MYO3A: variants seen among roughly 807,000 people sequenced by gnomAD.
The protein encoded by MYO3A is myosin IIIA.
A neutral mutation model predicts 192.7 loss-of-function variants in MYO3A; 180 were observed. The ratio of observed to expected loss-of-function variants is 0.93; its 90% CI spans 0.83 to 1.06. MYO3A has a LOEUF of 1.06. Ranked by LOEUF, MYO3A falls within the 50% of genes least tolerant of loss-of-function variation. MYO3A has a pLI of 0.00. For synonymous variants in MYO3A, 628 were observed against 645.3 expected (o/e 0.97, Z 0.41); for missense variants, 1,896 against 1,905.0 (o/e 1.00, Z 0.09).
chr10:25,946,096 T>C (rs1836812543), intron 2 of MYO3A, among the ~76,000 whole-genome samples: 1 of 152,226 alleles, frequency 6.6e-6, no homozygotes, highest in African/African-American at 2.4e-5. Context: ...TATTTGTGTT[T>C]GAAATTCAAG....
intron 5 of MYO3A, 124 bp from the exon 6 acceptor site, chr10:25,997,035 A>G (rs932094349): frequency 2.3e-5 from 17 of 732,432 alleles, no homozygotes; most frequent in East Asian, 8.1e-5. Context: ...AATGTGAAAC[A>G]TTTGAGTGTC....
intron 20 of MYO3A, among the ~76,000 whole-genome samples, chr10:26,133,947 C>T (rs1447235258): frequency 6.6e-6 from 1 of 152,100 alleles, no homozygotes; most frequent in African/African-American, 2.4e-5. Context: ...TGAAAGAGAT[C>T]CTGATATACA....
intron 23 of MYO3A, among the ~76,000 whole-genome samples, chr10:26,148,424 A>T (rs1209179967): frequency 1.3e-5 from 2 of 152,196 alleles, no homozygotes; most frequent in Non-Finnish European, 2.9e-5. Flanking sequence ...TCCTGAAATC[A>T]GGCAGTACAA....
chr10:26,174,865 A>T (rs1842241012), intron 30 of MYO3A, among the ~76,000 whole-genome samples: 1 of 146,620 alleles, frequency 6.8e-6, no homozygotes, highest in African/African-American at 2.5e-5. Context: ...CTTTAATTAG[A>T]TCTTTAATTA....
intron 10 of MYO3A, among the ~76,000 whole-genome samples, chr10:26,040,349 G>T (rs1843274813): frequency 6.6e-6 from 1 of 152,018 alleles, no homozygotes; most frequent in Non-Finnish European, 1.5e-5. Context: ...CATCAGAATT[G>T]TCTATTTTGG....
At chr10:26,130,191 G>A (rs181041979) in intron 20 of MYO3A, among the ~76,000 whole-genome samples, 261 of 151,762 alleles carry the variant, frequency 1.7e-3, no homozygotes, top group African/African-American at 6.0e-3. Flanking sequence ...TGCAGCCTGC[G>A]CCTCCCAGGC....
intron 14 of MYO3A, among the ~76,000 whole-genome samples, chr10:26,084,440 G>A (rs1465675142): frequency 3.3e-5 from 5 of 152,146 alleles, no homozygotes; most frequent in African/African-American, 7.2e-5. Context: ...AGGTAGTAAC[G>A]TAATGCTGGC....
chr10:26,124,188 CAAAAAAAA>C (rs34682530), intron 18 of MYO3A, among the ~76,000 whole-genome samples: 2 of 89,576 alleles, frequency 2.2e-5, no homozygotes, highest in African/African-American at 4.3e-5. Flanking sequence ...GACTTTGTCT[CAAAAAAAA>C]AAAAAAAAAA....
intron 14 of MYO3A, among the ~76,000 whole-genome samples, chr10:26,077,255 T>TTTTTTTTTTTTTTTTTTTTTTTTTA (rs1835647309): frequency 7.1e-6 from 1 of 141,650 alleles, no homozygotes; most frequent in Admixed American, 7.1e-5. Flanking sequence ...TTTTTTTTTT[T>TTTTTTTTTTTTTTTTTTTTTTTTTA]GCAGCTGTTG....
At chr10:26,140,752 T>C (rs891179615) in intron 20 of MYO3A, among the ~76,000 whole-genome samples, 2 of 151,766 alleles carry the variant, frequency 1.3e-5, no homozygotes, top group Admixed American at 6.6e-5. Flanking sequence ...TCCTAACATC[T>C]AAATCTAATG....
Position 25,952,180 on chromosome 10 carries a change from A to G in MYO3A, c.70A>G (p.Thr24Ala). 3.7e-6 allele frequency: 6 copies of G among 1,612,506 alleles called. No individual in the cohort carries two copies. The highest frequency in any genetic ancestry group is 5.1e-6 in the Non-Finnish European group (6 of 1,178,858). The change falls in exon 3 of 35, where the codon ACT becomes GCT. Residue 24 changes from threonine to alanine, a missense_variant. Thr to Ala is a moderately conservative substitution (Grantham distance 58, BLOSUM62 0). Coordinates refer to ENST00000642920, the MANE Select transcript of MYO3A (RefSeq NM_017433.5). ...FPDPSDTWEI[T>A]ETIGKGTYGK... ...TGATCCTTCTGATACATGGGAAATC[A>G]CTGAGACAATTGGCAAAGGAACTTA...
chr10:25,945,217 T>C (rs780974082), intron 2 of MYO3A, among the ~76,000 whole-genome samples: 7 of 151,142 alleles, frequency 4.6e-5, no homozygotes, highest in Non-Finnish European at 1.0e-4. Flanking sequence ...TACATTTTGA[T>C]CATAAAGGAT....
At chr10:26,067,451 A>G (rs560825763) in intron 11 of MYO3A, among the ~76,000 whole-genome samples, 1 of 152,302 alleles carries the variant, frequency 6.6e-6, no homozygotes, top group East Asian at 1.9e-4. Context: ...TTCAAAGAGC[A>G]GTCAGCCTAT....
intron 2 of MYO3A, among the ~76,000 whole-genome samples, chr10:25,948,572 C>T (rs1414235348): frequency 6.6e-6 from 1 of 151,960 alleles, no homozygotes; most frequent in African/African-American, 2.4e-5. Context: ...TCATTCTTTG[C>T]ATGCTAAAGT....
At chr10:26,130,742 G>T (rs1403791596) in intron 20 of MYO3A, among the ~76,000 whole-genome samples, 1 of 152,194 alleles carries the variant, frequency 6.6e-6, no homozygotes, top group Non-Finnish European at 1.5e-5. Flanking sequence ...GTGTTATCCA[G>T]AAGATACAGA....
intron 4 of MYO3A, among the ~76,000 whole-genome samples, chr10:25,961,547 A>G (rs183761695): frequency 2.8e-4 from 43 of 152,250 alleles, no homozygotes; most frequent in African/African-American, 1.0e-3. Flanking sequence ...TATTGGAAAT[A>G]TCTCTAAATG....
At chr10:25,955,440 A>T (rs1320630063) in intron 4 of MYO3A, among the ~76,000 whole-genome samples, 1 of 152,176 alleles carries the variant, frequency 6.6e-6, no homozygotes, top group East Asian at 1.9e-4. Context: ...TCTTTATTGA[A>T]TGCTAATGAC....
Position 26,153,861 on chromosome 10 carries a change from C to T in MYO3A, c.2647C>T (p.His883Tyr). The T allele has an allele frequency of 6.4e-7, 1 of 1,570,484 alleles. No homozygotes were observed. The highest frequency in any genetic ancestry group is 8.8e-7 in the Non-Finnish European group (1 of 1,140,694). Residue 883 changes from histidine (H) to tyrosine (Y), a missense_variant, in exon 24 of 35, where the codon CAT becomes TAT. Physicochemically the swap from His to Tyr is moderately conservative, Grantham distance 83 (BLOSUM62 2). Coordinates refer to ENST00000642920, the MANE Select transcript of MYO3A (RefSeq NM_017433.5). ...CTACATTCTCATAGGTAATCTGCCACATTCTAAAACTAAAAATGTTATAAA... is the reference window on the plus strand; with the variant it reads ...CTACATTCTCATAGGTAATCTGCCATATTCTAAAACTAAAAATGTTATAAA... ...HPLTKTGNLP[H>Y]SKTKNVINYQ...
chr10:26,057,956 T>TG (rs34607240), intron 10 of MYO3A, among the ~76,000 whole-genome samples: 71,843 of 151,964 alleles, frequency 0.47, 17,820 homozygotes, highest in Middle Eastern at 0.59. Flanking sequence ...GTGGTACTTT[T>TG]TTACAATTAG....
Sources: allele counts gnomAD v4.1 joint callset (sites outside exome capture counted in the v4.1 genomes callset), GRCh38; gene constraint gnomAD v4.1.1; transcripts MANE v1.5; gene names NCBI Gene and HGNC (gene_info 2026-07-23, HGNC 2026-07-21).